Variants in CNTROB observed in about 807,000 individuals in gnomAD.
CNTROB encodes centrobin.
Under a neutral mutation model 115.7 loss-of-function variants are expected in CNTROB, and 82 were observed. The ratio of observed to expected loss-of-function variants is 0.71; its 90% CI spans 0.59 to 0.85. The LOEUF (loss-of-function observed/expected upper bound fraction) is 0.85. Among genes scored for constraint, CNTROB ranks in the 40% least tolerant of loss-of-function variants. The pLI, the probability that CNTROB is intolerant of heterozygous loss-of-function variation, is 0.00. For synonymous variants in CNTROB, 439 were observed against 456.4 expected (o/e 0.96, Z 0.49); for missense variants, 1,014 against 1,144.4 (o/e 0.89, Z 1.64).
At position 7,934,127 on chromosome 17, in the gene CNTROB, CT is replaced by C. The variant is rs762016689; in HGVS notation, c.271-5del. On this transcript the variant is annotated splice_polypyrimidine_tract_variant and intron_variant, in intron 1 of 18. Transcript: ENST00000563694. ...CAGACTGCATCTGATTTCCATGTGG[CT>C]TTTTTCCAGGATGGTTCTAAGCATA... is the stretch of plus-strand genomic sequence containing the variant. The C allele has an allele frequency of 3.7e-6, 6 of 1,613,076 alleles. No homozygotes were observed. Among genetic ancestry groups the C allele is most frequent in the Non-Finnish European group, 5.1e-6 (6 of 1,179,064 alleles).
chr17:7,934,562 G>A lies in CNTROB; in HGVS notation c.437+16G>A. On this transcript the variant is annotated intron_variant, in intron 3 of 18. Coordinates refer to ENST00000563694, the MANE Select transcript of CNTROB (RefSeq NM_053051.5). The stretch of plus-strand genomic sequence containing the variant: ...CCTTGCTCAAGTGAGTTCTCCTTGT[G>A]GTTCTCCTAGCTTGTTTGCTTTCTT... The A allele has an allele frequency of 4.4e-6, 7 of 1,602,398 alleles. No individual in the cohort carries two copies. The highest frequency in any genetic ancestry group is 6.0e-6 in the Non-Finnish European group (7 of 1,169,452).
At chr17:7,937,109 A>G (rs1379515357) in intron 6 of CNTROB, 55 bp from the exon 7 acceptor site, 2 of 1,601,572 alleles carry the variant, frequency 1.2e-6, no homozygotes, top group Non-Finnish European at 1.7e-6. Context: ...TATAAAATAT[A>G]GCACACACAG....
chr17:7,947,011 G>A (rs1598110819), intron 13 of CNTROB, among the ~76,000 whole-genome samples: 1 of 151,898 alleles, frequency 6.6e-6, no homozygotes, highest in Non-Finnish European at 1.5e-5. Flanking sequence ...ATACAAAAAA[G>A]TTAGCCGGGC....
chr17:7,940,515 A>G (rs1173501285), intron 9 of CNTROB, among the ~76,000 whole-genome samples: 1 of 152,232 alleles, frequency 6.6e-6, no homozygotes, highest in Non-Finnish European at 1.5e-5. Context: ...TTATTTTAAG[A>G]GATGACACCA....
In CNTROB at chr17:7,945,997, G is replaced by T. The variant is rs771414729; in HGVS notation, c.1993+11G>T. On this transcript the variant is annotated intron_variant, in intron 13 of 18. Transcript: ENST00000563694. ...TCACTTCATCCACAGGTAACTGGGG[G>T]CAGAAGTCACTGGGGTTCCCCTTCT... The T allele has an allele frequency of 1.9e-6, 3 of 1,612,610 alleles. No individual in the cohort carries two copies. In the South Asian group the frequency reaches 3.3e-5, roughly 18 times the overall value.
intron 1 of CNTROB, among the ~76,000 whole-genome samples, chr17:7,933,747 C>T (rs1972808957): frequency 6.6e-6 from 1 of 152,144 alleles, no homozygotes; most frequent in African/African-American, 2.4e-5. Flanking sequence ...TTGGCATGTA[C>T]ATCATTAAGA....
In CNTROB at chr17:7,944,515, T is replaced by C; in HGVS notation, c.1611T>C (p.Ser537=). The C allele has an allele frequency of 6.2e-7, 1 of 1,613,964 alleles. No individual in the cohort carries two copies. Among genetic ancestry groups the C allele is most frequent in the Non-Finnish European group, 8.5e-7 (1 of 1,179,976 alleles). Residue 537 remains serine, a synonymous_variant, in exon 12 of 19, where the codon AGT becomes AGC. Coordinates refer to ENST00000563694, the MANE Select transcript of CNTROB (RefSeq NM_053051.5). The surrounding 1 kb of genome is among the most constrained non-coding windows in gnomAD (Gnocchi z 4.0). ...REQARVCELQ[S]GNQQLEEQRV... ...AAGCGCGAGTGTGCGAACTGCAGAG[T>C]GGGAACCAGCAGCTGGAGGAGCAGC...
rs769759571 is a variant in CNTROB at position 7,947,737 on chromosome 17, A to G, written c.2145+15A>G. On this transcript the variant is annotated intron_variant, in intron 14 of 18. Transcript: ENST00000563694. Reference sequence around the variant, plus strand: ...TTTTGCACCAGGTAAGAGAGATTCCACCCAGACTAGCTCACTTTCTTCTTC... The same window carrying G: ...TTTTGCACCAGGTAAGAGAGATTCCGCCCAGACTAGCTCACTTTCTTCTTC... 2 of 1,605,542 alleles carry G rather than the reference A, an allele frequency of 1.2e-6. No homozygotes were observed. Among genetic ancestry groups the G allele is most frequent in the African/African-American group, 1.3e-5 (1 of 74,648 alleles).
intron 13 of CNTROB, among the ~76,000 whole-genome samples, chr17:7,946,899 G>A (rs913466219): frequency 2.6e-5 from 4 of 151,430 alleles, no homozygotes; most frequent in Admixed American, 6.6e-5. Context: ...TACAGCTCAC[G>A]CCTGTAATCC....
Position 7,947,552 on chromosome 17 carries a change from TACCTGTTTC to T in CNTROB, c.1994-16_1994-8del. The T allele has an allele frequency of 1.3e-6, 2 of 1,590,706 alleles. No homozygotes were observed. Among genetic ancestry groups the T allele is most frequent in the Non-Finnish European group, 1.7e-6 (2 of 1,164,562 alleles). Reference sequence around the variant, plus strand: ...CCCTGAACACACTTGCACCCACCCATACCTGTTTCACTTTATAGCTGGGGCCTTCTCTGC... The same window carrying T: ...CCCTGAACACACTTGCACCCACCCATACTTTATAGCTGGGGCCTTCTCTGC... On this transcript the variant is annotated splice_polypyrimidine_tract_variant and intron_variant, in intron 13 of 18. Coordinates refer to ENST00000563694, the MANE Select transcript of CNTROB (RefSeq NM_053051.5).
At chr17:7,934,031 T>G in intron 1 of CNTROB, 107 bp from the exon 2 acceptor site, 4 of 827,316 alleles carry the variant, frequency 4.8e-6, no homozygotes, top group Non-Finnish European at 4.2e-6. Flanking sequence ...TTGGATCCGT[T>G]TGGTTTTTCT....
At position 7,949,489 on chromosome 17, in the gene CNTROB, C is replaced by T. The variant is rs1210675246; in HGVS notation, c.2691C>T (p.Ser897=). 1 of 1,613,612 alleles carries T rather than the reference C, an allele frequency of 6.2e-7. No homozygotes were observed. The highest frequency in any genetic ancestry group is 8.5e-7 in the Non-Finnish European group (1 of 1,179,810). The change falls in exon 19 of 19, where the codon AGC becomes AGT. Residue 897 remains serine (S), a synonymous_variant. Coordinates refer to ENST00000563694, the MANE Select transcript of CNTROB (RefSeq NM_053051.5). The part of the protein sequence containing the change: ...SGHPAPSSMR[S]RGGVWR ...ACCCTGCCCCGAGTAGCATGAGGAGCCGGGGGGGAGTCTGGAGATGAGCCC... is the reference window on the plus strand; with the variant it reads ...ACCCTGCCCCGAGTAGCATGAGGAGTCGGGGGGGAGTCTGGAGATGAGCCC...
intron 7 of CNTROB, among the ~76,000 whole-genome samples, chr17:7,937,963 A>T (rs1973385635): frequency 6.6e-6 from 1 of 151,472 alleles, no homozygotes; most frequent in African/African-American, 2.4e-5. Flanking sequence ...GCATGGCCAA[A>T]AAAGGTATGA....
chr17:7,935,231 T>G (rs1401398703), intron 4 of CNTROB, 86 bp downstream of exon 4: 13 of 1,594,360 alleles, frequency 8.2e-6, no homozygotes, highest in Non-Finnish European at 1.0e-5. Flanking sequence ...GGGCCTGGCG[T>G]GGTGGCTCAC....
rs1973298332 is a variant in CNTROB at position 7,937,281 on chromosome 17, G to A, written c.927+19G>A. The stretch of plus-strand genomic sequence containing the variant: ...GACACTGGTGAGAAGATTGGACTGG[G>A]TTAATTCCACTGGAAGCTGTTAATT... On this transcript the variant is annotated intron_variant, in intron 7 of 18. Transcript: ENST00000563694. 2 of 1,613,484 alleles carry A rather than the reference G, an allele frequency of 1.2e-6. No homozygotes were observed. The highest frequency in any genetic ancestry group is 1.7e-6 in the Non-Finnish European group (2 of 1,179,664).
At position 7,948,212 on chromosome 17, in the gene CNTROB, G is replaced by A. The variant is rs140013111; in HGVS notation, c.2265G>A (p.Pro755=). 1.5e-4 allele frequency: 235 copies of A among 1,614,070 alleles called. No homozygotes were observed. The African/African-American group carries it at 2.3e-3, about 16-fold the overall frequency. ...EEAPQVPRIP[P]PVHKTKVPLA... Reference sequence around the variant, plus strand: ...CCCCTCAAGTGCCACGTATTCCACCGCCTGTCCACAAAACCAAAGTTCCCT... The same window carrying A: ...CCCCTCAAGTGCCACGTATTCCACCACCTGTCCACAAAACCAAAGTTCCCT... Residue 755 remains proline (P), a synonymous_variant, in exon 16 of 19, where the codon CCG becomes CCA. Coordinates refer to ENST00000563694, the MANE Select transcript of CNTROB (RefSeq NM_053051.5). This position sits in a 1 kb window ranked among gnomAD's most constrained non-coding sequence, Gnocchi z 4.4.
intron 9 of CNTROB, among the ~76,000 whole-genome samples, chr17:7,942,245 C>A (rs1250411651): frequency 6.6e-6 from 1 of 152,010 alleles, no homozygotes; most frequent in Non-Finnish European, 1.5e-5. Flanking sequence ...TTAGGCTAAG[C>A]AACAGAACAA....
chr17:7,949,516 C>A lies in CNTROB; in HGVS notation c.*6C>A, dbSNP rs776557050. On this transcript the variant is annotated 3_prime_UTR_variant, in exon 19 of 19. Transcript: ENST00000563694. ...GGGGGGGAGTCTGGAGATGAGCCCC[C>A]CTACCCTCTCTCCTCTTTGTTCTCT... 1.4e-5 allele frequency: 22 copies of A among 1,601,382 alleles called. No individual in the cohort carries two copies. The South Asian group carries it at 1.7e-4, about 12-fold the overall frequency.
In CNTROB at chr17:7,939,548, G is replaced by C. The variant is rs546781575; in HGVS notation, c.963G>C (p.Glu321Asp). ...EERQALTLRLEAEQQRCCVLQ... is the reference protein window; with the variant it reads ...EERQALTLRLDAEQQRCCVLQ... ...GGCAAGCTCTGACTCTGAGGTTGGA[G>C]GCAGAACAGCAGCGGTGCTGTGTCC... The change falls in exon 8 of 19, where the codon GAG becomes GAC. Residue 321 changes from glutamate to aspartate, a missense_variant. Coordinates refer to ENST00000563694, the MANE Select transcript of CNTROB (RefSeq NM_053051.5). The surrounding 1 kb of genome is among the most constrained non-coding windows in gnomAD (Gnocchi z 4.4). 6.2e-7 allele frequency: 1 copy of C among 1,614,184 alleles called. No individual in the cohort carries two copies. The highest frequency in any genetic ancestry group is 2.2e-5 in the East Asian group (1 of 44,884).
Sources: gnomAD v4.1 joint callset for allele counts (sites outside exome capture counted in the v4.1 genomes callset) on GRCh38, gnomAD v4.1.1 for gene constraint, Gnocchi (gnomAD v3.1) non-coding constraint, MANE v1.5 for transcripts, NCBI Gene and HGNC (gene_info 2026-07-23, HGNC 2026-07-21) for gene names.